The following AASS variants were observed in gnomAD, a reference collection of about 807,000 sequenced individuals.
AASS encodes the protein aminoadipate-semialdehyde synthase, also known as alpha-aminoadipic semialdehyde synthase, mitochondrial.
In AASS, 86 loss-of-function variants were observed where a neutral mutation model predicts 105.4. The ratio of observed to expected loss-of-function variants is 0.82; its 90% confidence interval spans 0.69 to 0.98. AASS has a LOEUF of 0.98. Among genes scored for constraint, AASS ranks in the 50% least tolerant of loss-of-function variants. AASS has a pLI of 0.00. For synonymous variants in AASS, 381 were observed against 394.8 expected (o/e 0.96, Z 0.41); for missense variants, 1,048 against 1,143.2 (o/e 0.92, Z 1.20).
chr7:122,140,967 C>T (rs1796366669), intron 1 of AASS, among the ~76,000 whole-genome samples: 1 of 151,928 alleles, frequency 6.6e-6, no homozygotes, highest in South Asian at 2.1e-4. Context: ...AGCTCTATGG[C>T]TATGAGTCTT....
chr7:122,133,867 G>T (rs752722762), intron 1 of AASS, 126 bp from the exon 2 acceptor site: 5 of 849,080 alleles, frequency 5.9e-6, no homozygotes, highest in Non-Finnish European at 9.6e-6. Flanking sequence ...AGGTAGAGAA[G>T]AGGGAAGGGA....
chr7:122,085,267 A>G (rs1014512336), intron 19 of AASS, among the ~76,000 whole-genome samples: 5 of 152,100 alleles, frequency 3.3e-5, no homozygotes, highest in Non-Finnish European at 7.4e-5. Context: ...ATAAACCCCT[A>G]TTGTTTCAAG....
At chr7:122,128,354 T>A (rs781600441) in intron 3 of AASS, among the ~76,000 whole-genome samples, 16 of 152,188 alleles carry the variant, frequency 1.1e-4, no homozygotes, top group Non-Finnish European at 1.8e-4. Flanking sequence ...CAATCTCGAA[T>A]CTGTCTGCTT....
intron 21 of AASS, chr7:122,079,331 C>T: frequency 7.3e-7 from 1 of 1,363,812 alleles, no homozygotes; most frequent in Non-Finnish European, 9.5e-7. Context: ...AAATCTCCTA[C>T]AGGAAAGCAA....
intron 8 of AASS, among the ~76,000 whole-genome samples, chr7:122,116,212 C>T (rs931166987): frequency 6.6e-6 from 1 of 152,148 alleles, no homozygotes; most frequent in African/African-American, 2.4e-5. Flanking sequence ...AACCCTCACC[C>T]TGATAATCAA....
intron 4 of AASS, among the ~76,000 whole-genome samples, chr7:122,119,149 G>A (rs995892654): frequency 6.6e-6 from 1 of 152,146 alleles, no homozygotes; most frequent in Non-Finnish European, 1.5e-5. Flanking sequence ...ACTTGGCAAT[G>A]CAGACCTCTT....
intron 2 of AASS, among the ~76,000 whole-genome samples, 196 bp from the exon 3 acceptor site, chr7:122,129,733 A>G (rs1486571828): frequency 6.6e-6 from 1 of 152,184 alleles, no homozygotes; most frequent in Non-Finnish European, 1.5e-5. Context: ...CAACTCTTAC[A>G]GCATTAAACA....
At chr7:122,078,039 A>G (rs894083594) in intron 22 of AASS, 25 bp from the exon 23 acceptor site, 11 of 1,601,420 alleles carry the variant, frequency 6.9e-6, no homozygotes, top group Non-Finnish European at 8.6e-7. Flanking sequence ...AGATAAGTAA[A>G]AATACCACTA....
intron 19 of AASS, among the ~76,000 whole-genome samples, chr7:122,084,881 GA>G (rs1183057372): frequency 6.6e-6 from 1 of 152,016 alleles, no homozygotes; most frequent in African/African-American, 2.4e-5. Flanking sequence ...AAGACAGACA[GA>G]TTTGCAGTCA....
At chr7:122,124,979 G>A (rs1795592549) in intron 4 of AASS, among the ~76,000 whole-genome samples, 1 of 152,148 alleles carries the variant, frequency 6.6e-6, no homozygotes, top group Admixed American at 6.5e-5. Context: ...CTGGAGTGCA[G>A]TGGCGTGATC....
At chr7:122,100,362 C>A (rs1160385855) in intron 13 of AASS, among the ~76,000 whole-genome samples, 1 of 151,812 alleles carries the variant, frequency 6.6e-6, no homozygotes, top group Admixed American at 6.6e-5. Flanking sequence ...TGAAGTTTTA[C>A]TTGTAAGAAA....
chr7:122,105,680 T>A (rs1292375431), intron 11 of AASS, among the ~76,000 whole-genome samples: 2 of 151,640 alleles, frequency 1.3e-5, no homozygotes, highest in East Asian at 3.9e-4. Context: ...TAGAGACAAA[T>A]GAAAATGAAA....
Position 122,120,083 on chromosome 7 carries a change from T to C in AASS, c.473-1453A>G, listed in dbSNP as rs549839468. On this transcript the variant is annotated intron_variant, in intron 4 of 23. Coordinates refer to ENST00000417368, the MANE Select transcript of AASS (RefSeq NM_005763.4). ...TTTTGAGATTCATACATATTTTGTG[T>C]GTATCAGTATAGTCTTTTATTGTTG... Among the ~76,000 whole-genome samples, 31 of 152,348 alleles carry C rather than the reference T, an allele frequency of 2.0e-4. No homozygotes were observed. In the South Asian group the frequency reaches 6.4e-3, roughly 32 times the overall value.
At chr7:122,134,029 T>C (rs1796032058) in intron 1 of AASS, among the ~76,000 whole-genome samples, 1 of 152,180 alleles carries the variant, frequency 6.6e-6, no homozygotes, top group Admixed American at 6.5e-5. Context: ...TTATCAAACA[T>C]CTATTCGGCA....
Position 122,079,708 on chromosome 7 carries a change from T to G in AASS, c.2285A>C (p.Gln762Pro), listed in dbSNP as rs913270566. ...AATCCCAACTAGGTCACAGAGGAGT[T>G]GTTTCTGGTTAGAAAAAGAAATACA... ...RPEANPLTWK[Q>P]LLCDLVGISP... The change falls in exon 21 of 24, where the codon CAA becomes CCA. Residue 762 changes from glutamine to proline, a missense_variant. Gln to Pro is a moderately conservative substitution (Grantham distance 76). Transcript: ENST00000417368. 1 of 1,609,498 alleles carries G rather than the reference T, an allele frequency of 6.2e-7. No individual in the cohort carries two copies. Among genetic ancestry groups the G allele is most frequent in the African/African-American group, 1.3e-5 (1 of 74,810 alleles).
intron 13 of AASS, among the ~76,000 whole-genome samples, chr7:122,100,474 A>T (rs1432188909): frequency 6.6e-6 from 1 of 151,938 alleles, no homozygotes; most frequent in Admixed American, 6.6e-5. Flanking sequence ...ATTAAAAAGT[A>T]ACTATAATCA....
rs762659174 is a variant in AASS at position 122,074,206 on chromosome 7, A to G, written c.*2283T>C. Among the ~76,000 whole-genome samples, 4 of 150,402 alleles carry G rather than the reference A, an allele frequency of 2.7e-5. No individual in the cohort carries two copies. Among genetic ancestry groups the G allele is most frequent in the Non-Finnish European group, 4.5e-5 (3 of 67,396 alleles). On this transcript the variant is annotated 3_prime_UTR_variant, in exon 24 of 24. Transcript: ENST00000417368. ...TAAGTGATATCTCATTGTAGATCTCATTTGCATTTCCCTGATGGCTAGTGA... is the reference window on the plus strand; with the variant it reads ...TAAGTGATATCTCATTGTAGATCTCGTTTGCATTTCCCTGATGGCTAGTGA...
chr7:122,079,259 C>G (rs1420662676), intron 21 of AASS: 1 of 1,353,962 alleles, frequency 7.4e-7, no homozygotes, highest in Non-Finnish European at 9.5e-7. Flanking sequence ...TTAGGTATAC[C>G]AGCAGGATGC....
chr7:122,074,634 TTTGAG>T lies in AASS; in HGVS notation c.*1850_*1854del, dbSNP rs1231726637. ...TCTTACATTTAGATCTTAGGTCAAC[TTTGAG>T]TTAATTTTTATATGCAATATGAGGT... On this transcript the variant is annotated 3_prime_UTR_variant, in exon 24 of 24. Coordinates refer to ENST00000417368, the MANE Select transcript of AASS (RefSeq NM_005763.4). Among the ~76,000 whole-genome samples the T allele has an allele frequency of 1.3e-5, 2 of 152,214 alleles. No individual in the cohort carries two copies. The highest frequency in any genetic ancestry group is 4.8e-5 in the African/African-American group (2 of 41,450).
Sources: allele counts gnomAD v4.1 joint callset (sites outside exome capture counted in the v4.1 genomes callset), GRCh38; gene constraint gnomAD v4.1.1; transcripts MANE v1.5; gene names NCBI Gene and HGNC (gene_info 2026-07-23, HGNC 2026-07-21).